The following PCDHGA12 variants were observed in gnomAD, a reference collection of about 807,000 sequenced individuals.
The protein encoded by PCDHGA12 is protocadherin gamma subfamily A, 12.
In PCDHGA12, 43 loss-of-function variants were observed where a neutral mutation model predicts 61.1. The ratio of observed to expected loss-of-function variants is 0.70; its 90% CI spans 0.55 to 0.91. The LOEUF is 0.91. PCDHGA12 is among the 40% of genes least tolerant of loss of function. The pLI is 0.00. For synonymous variants in PCDHGA12, 520 were observed against 542.9 expected (o/e 0.96, Z 0.59); for missense variants, 1,236 against 1,227.7 (o/e 1.01, Z -0.10).
At chr5:141,464,944 G>T (rs1379789566) in intron 1 of PCDHGA12, among the ~76,000 whole-genome samples, 1 of 151,826 alleles carries the variant, frequency 6.6e-6, no homozygotes, top group African/African-American at 2.4e-5. Context: ...GTCTCACTAT[G>T]TTGCCCAGGC....
chr5:141,431,016 C>A lies in PCDHGA12; in HGVS notation c.257C>A (p.Thr86Lys), dbSNP rs755015257. 4 of 1,613,456 alleles carry A rather than the reference C, an allele frequency of 2.5e-6. No individual in the cohort carries two copies. Among genetic ancestry groups the A allele is most frequent in the East Asian group, 2.2e-5 (1 of 44,860 alleles). ...ALNPRSGSLV[T>K]AGRIDREELC... ...AATCCGCGCAGCGGCAGCTTGGTCA[C>A]GGCGGGCAGGATAGACCGGGAGGAG... is the stretch of plus-strand genomic sequence containing the variant. The change falls in exon 1 of 4, where the codon ACG becomes AAG. Residue 86 changes from threonine (T) to lysine (K), a missense_variant. By Grantham distance (78) the Thr-to-Lys change is moderately conservative. Coordinates refer to ENST00000252085, the MANE Select transcript of PCDHGA12 (RefSeq NM_003735.3). The surrounding 1 kb of genome is among the most constrained non-coding windows in gnomAD (Gnocchi z 4.8).
At chr5:141,497,664 C>T (rs779506763) in intron 2 of PCDHGA12, among the ~76,000 whole-genome samples, 14 of 151,904 alleles carry the variant, frequency 9.2e-5, no homozygotes, top group Non-Finnish European at 1.8e-4. Context: ...CTCAGCCTCC[C>T]GAGTAGCTGG....
intron 1 of PCDHGA12, among the ~76,000 whole-genome samples, chr5:141,472,980 C>CA (rs60579131): frequency 0.042 from 3,623 of 85,966 alleles, 71 homozygotes; most frequent in South Asian, 0.079. Context: ...GAGTGAAACT[C>CA]AAAAAAAAAA....
chr5:141,498,737 G>A (rs1176793634), intron 2 of PCDHGA12, among the ~76,000 whole-genome samples: 1 of 152,076 alleles, frequency 6.6e-6, no homozygotes, highest in African/African-American at 2.4e-5. Context: ...TTTGAGACCA[G>A]CCTGGCCAAC....
At position 141,490,707 on chromosome 5, in the gene PCDHGA12, C is replaced by T; in HGVS notation, c.2425-4100C>T. ...CAGACACTGGGGATAATGCCCGCCT[C>T]ACCTACTCCATTGTAGGAAATCAGG... On this transcript the variant is annotated intron_variant, in intron 1 of 3. Transcript: ENST00000252085. The surrounding 1 kb of genome is among the most constrained non-coding windows in gnomAD (Gnocchi z 5.4). The T allele has an allele frequency of 3.1e-6, 5 of 1,614,194 alleles. No individual in the cohort carries two copies. Among genetic ancestry groups the T allele is most frequent in the Non-Finnish European group, 3.4e-6 (4 of 1,180,008 alleles).
chr5:141,510,656 A>C (rs761093897), intron 3 of PCDHGA12, among the ~76,000 whole-genome samples: 4 of 152,304 alleles, frequency 2.6e-5, no homozygotes, highest in Non-Finnish European at 5.9e-5. Flanking sequence ...CCCATTTTGC[A>C]GATGAGAAAA....
chr5:141,491,208 C>G lies in PCDHGA12; in HGVS notation c.2425-3599C>G. 6.2e-7 allele frequency: 1 copy of G among 1,614,204 alleles called. No individual in the cohort carries two copies. Among genetic ancestry groups the G allele is most frequent in the Non-Finnish European group, 8.5e-7 (1 of 1,180,026 alleles). ...TGAGGGACAATGGTGACCCTTCACTCTCCTCCACAGCCACAGTGCTGCTGG... is the reference window on the plus strand; with the variant it reads ...TGAGGGACAATGGTGACCCTTCACTGTCCTCCACAGCCACAGTGCTGCTGG... On this transcript the variant is annotated intron_variant, in intron 1 of 3. Coordinates refer to ENST00000252085, the MANE Select transcript of PCDHGA12 (RefSeq NM_003735.3). This position sits in a 1 kb window ranked among gnomAD's most constrained non-coding sequence, Gnocchi z 6.9.
intron 1 of PCDHGA12, among the ~76,000 whole-genome samples, chr5:141,468,281 C>T (rs568875291): frequency 6.8e-6 from 1 of 147,354 alleles, no homozygotes; most frequent in African/African-American, 2.5e-5. Flanking sequence ...GCCGAGACCA[C>T]GCCATTGCAC....
chr5:141,436,590 C>T (rs1050788291), intron 1 of PCDHGA12, among the ~76,000 whole-genome samples: 10 of 152,102 alleles, frequency 6.6e-5, no homozygotes, highest in East Asian at 1.9e-4. Context: ...TTTGAAAGGT[C>T]GTGGTGATGG....
chr5:141,477,475 C>A lies in PCDHGA12; in HGVS notation c.2425-17332C>A. ...TTCAAGTGTCCGACATCAATGACAA[C>A]CCTCCACAATCTTCTCAATCTTCCT... On this transcript the variant is annotated intron_variant, in intron 1 of 3. Coordinates refer to ENST00000252085, the MANE Select transcript of PCDHGA12 (RefSeq NM_003735.3). The surrounding 1 kb of genome is among the most constrained non-coding windows in gnomAD (Gnocchi z 4.9). The A allele has an allele frequency of 3.1e-6, 5 of 1,614,124 alleles. No homozygotes were observed. The highest frequency in any genetic ancestry group is 4.2e-6 in the Non-Finnish European group (5 of 1,180,030).
chr5:141,455,855 C>A (rs1267803457), intron 1 of PCDHGA12, among the ~76,000 whole-genome samples: 4 of 147,088 alleles, frequency 2.7e-5, no homozygotes, highest in African/African-American at 1.0e-4. Flanking sequence ...AAAATAATTT[C>A]TTTTATTATT....
Position 141,431,646 on chromosome 5 carries a change from G to A in PCDHGA12, c.887G>A (p.Cys296Tyr). ...DKAAQVFKLD[C>Y]NSGTISTIGE... ...GCGGCCCAAGTTTTCAAACTAGATT[G>A]TAATTCAGGGACAATATCAACAATA... The change falls in exon 1 of 4, where the codon TGT (cysteine) becomes TAT (tyrosine). Residue 296 changes from cysteine (C) to tyrosine (Y), a missense_variant. Physicochemically the swap from Cys to Tyr is radical, Grantham distance 194 (BLOSUM62 -2). Coordinates refer to ENST00000252085, the MANE Select transcript of PCDHGA12 (RefSeq NM_003735.3). The surrounding 1 kb of genome is among the most constrained non-coding windows in gnomAD (Gnocchi z 4.8). 2 of 1,614,252 alleles carry A rather than the reference G, an allele frequency of 1.2e-6. No individual in the cohort carries two copies. Among genetic ancestry groups the A allele is most frequent in the Non-Finnish European group, 1.7e-6 (2 of 1,180,046 alleles).
intron 1 of PCDHGA12, among the ~76,000 whole-genome samples, chr5:141,481,789 T>TAAAAATAC (rs972511310): frequency 3.3e-5 from 5 of 151,186 alleles, no homozygotes; most frequent in African/African-American, 1.2e-4. Flanking sequence ...CCGTCTCTAC[T>TAAAAATAC]AAAAATACAA....
At chr5:141,464,279 C>CAA (rs373828487) in intron 1 of PCDHGA12, among the ~76,000 whole-genome samples, 8,568 of 137,664 alleles carry the variant, frequency 0.062, 499 homozygotes, top group African/African-American at 0.16. Context: ...AAAAAAAAAG[C>CAA]AAAAAAAAAA....
chr5:141,495,032 G>T, intron 2 of PCDHGA12, 167 bp downstream of exon 2: 1 of 967,732 alleles, frequency 1.0e-6, no homozygotes, highest in Non-Finnish European at 1.2e-6. Flanking sequence ...GACCCCGGAA[G>T]GAAGAGGCGA....
intron 1 of PCDHGA12, chr5:141,484,903 G>A: frequency 2.5e-6 from 1 of 407,434 alleles, no homozygotes; most frequent in Non-Finnish European, 4.4e-6. Context: ...CTCCAATGCT[G>A]CGACGCATTA....
chr5:141,510,894 A>G, intron 3 of PCDHGA12, 53 bp from the exon 4 acceptor site: 2 of 1,612,850 alleles, frequency 1.2e-6, no homozygotes, highest in Non-Finnish European at 8.5e-7. Flanking sequence ...TAAGACAGTG[A>G]CTGTTGAGGA....
In PCDHGA12 at chr5:141,450,141, G is replaced by A. The variant is rs762961199; in HGVS notation, c.2424+16958G>A. On this transcript the variant is annotated intron_variant, in intron 1 of 3. Transcript: ENST00000252085. ...CCTGCCTTAGCCTCCTGAGTAGCTG[G>A]GACTACAGGCATGTGCCACCACACT... Among the ~76,000 whole-genome samples, 401 of 151,622 alleles carry A rather than the reference G, an allele frequency of 2.6e-3. 1 individual carries two copies. The highest frequency in any genetic ancestry group is 3.8e-3 in the Non-Finnish European group (260 of 67,912).
rs1303066281 is a variant in PCDHGA12, at chr5:141,511,199, G to A, written c.*26G>A. The A allele has an allele frequency of 1.2e-6, 2 of 1,612,750 alleles. No homozygotes were observed. The highest frequency in any genetic ancestry group is 1.3e-5 in the African/African-American group (1 of 74,896). On this transcript the variant is annotated 3_prime_UTR_variant, in exon 4 of 4. Transcript: ENST00000252085. The stretch of plus-strand genomic sequence containing the variant: ...CATGGAGGCCAGGCCAAGAGCCACA[G>A]GGCGGCCTCTCCCCAACCAGCCCAG...
Sources: gnomAD v4.1 joint callset for allele counts (sites outside exome capture counted in the v4.1 genomes callset) on GRCh38, gnomAD v4.1.1 for gene constraint, Gnocchi (gnomAD v3.1) non-coding constraint, MANE v1.5 for transcripts, NCBI Gene and HGNC (gene_info 2026-07-23, HGNC 2026-07-21) for gene names.